The following PPP1R1C variants were observed in gnomAD, a reference collection of about 807,000 sequenced individuals.
The protein encoded by PPP1R1C is protein phosphatase 1 regulatory subunit 1C.
In PPP1R1C, 15 loss-of-function variants were observed where a neutral mutation model predicts 17.4. The ratio of observed to expected loss-of-function variants is 0.86; its 90% CI spans 0.58 to 1.33. The LOEUF (loss-of-function observed/expected upper bound fraction) is 1.33. Ranked by LOEUF, PPP1R1C falls within the 40% of genes most tolerant of loss-of-function variation. The pLI is 0.00. For missense variants in PPP1R1C, 143 were observed against 130.0 expected, an observed-to-expected ratio of 1.10 and a Z score of -0.48; for synonymous variants, 35 against 43.1, an observed-to-expected ratio of 0.81 and a Z score of 0.73.
At chr2:182,021,157 T>G (rs1407961980) in intron 2 of PPP1R1C, among the ~76,000 whole-genome samples, 2 of 152,128 alleles carry the variant, frequency 1.3e-5, no homozygotes, top group Non-Finnish European at 2.9e-5. Flanking sequence ...CTTTGGTAAT[T>G]CAGGCAGAAT....
intron 4 of PPP1R1C, among the ~76,000 whole-genome samples, chr2:182,081,202 T>C (rs919794688): frequency 1.2e-4 from 18 of 152,162 alleles, no homozygotes; most frequent in African/African-American, 4.3e-4. Context: ...AATGGAGAGG[T>C]AAGTAGTATA....
At chr2:181,960,167 C>G (rs1684745574) in intron 1 of PPP1R1C, among the ~76,000 whole-genome samples, 1 of 152,120 alleles carries the variant, frequency 6.6e-6, no homozygotes, top group Non-Finnish European at 1.5e-5. Context: ...GAGTTAGCTA[C>G]AGAGTAAGTC....
At chr2:182,103,003 C>CA (rs1055500488) in intron 4 of PPP1R1C, among the ~76,000 whole-genome samples, 1 of 151,792 alleles carries the variant, frequency 6.6e-6, no homozygotes, top group African/African-American at 2.4e-5. Context: ...GGGGTTTCGC[C>CA]ATGTTGCCCA....
At chr2:182,016,819 T>C (rs1360587343) in intron 2 of PPP1R1C, among the ~76,000 whole-genome samples, 1 of 152,232 alleles carries the variant, frequency 6.6e-6, no homozygotes, top group Non-Finnish European at 1.5e-5. Flanking sequence ...GATTTTATTG[T>C]CAGTTGTACT....
chr2:182,021,319 CTCTTTT>C (rs1686417669), intron 2 of PPP1R1C, among the ~76,000 whole-genome samples: 1 of 52,852 alleles, frequency 1.9e-5, no homozygotes, highest in African/African-American at 5.5e-5. Flanking sequence ...TTCTCTCTCT[CTCTTTT>C]TTTTTTTTTT....
chr2:182,065,250 CA>C (rs1219385384), intron 4 of PPP1R1C, among the ~76,000 whole-genome samples: 4 of 152,038 alleles, frequency 2.6e-5, no homozygotes, highest in Admixed American at 6.6e-5. Context: ...GGTATTACTA[CA>C]AGTCACATAG....
At position 181,961,725 on chromosome 2, in the gene PPP1R1C, G is replaced by C. The variant is rs918826965; in HGVS notation, n.111+7091G>C. On this transcript the variant is annotated intron_variant and non_coding_transcript_variant, in intron 1 of 5. Coordinates refer to the PPP1R1C transcript ENST00000464264. The surrounding 1 kb of genome is among the most constrained non-coding windows in gnomAD (Gnocchi z 5.8). Reference sequence around the variant, plus strand: ...GAGTCAGCTCATCATATTGGGCCCGGATATCTGCTATGATCTTGGCAAGGT... The same window carrying C: ...GAGTCAGCTCATCATATTGGGCCCGCATATCTGCTATGATCTTGGCAAGGT... The C allele has an allele frequency of 4.7e-6, 4 of 856,296 alleles. No individual in the cohort carries two copies. The highest frequency in any genetic ancestry group is 7.9e-6 in the Non-Finnish European group (4 of 504,826). The allele number at this position is 856,296 out of a possible 1,614,324, so 53.0% of individuals were successfully genotyped here.
chr2:182,111,781 C>T lies in PPP1R1C; in HGVS notation c.242-5426C>T, dbSNP rs1689445423. Among the ~76,000 whole-genome samples, 3 of 151,686 alleles carry T rather than the reference C, an allele frequency of 2.0e-5. No individual in the cohort carries two copies. In the South Asian group the frequency reaches 6.2e-4, roughly 32 times the overall value. ...AATTATATAGAAATTATATTCCTAG[C>T]ATTATTTTTGTGATAAACCTTAGGG... On this transcript the variant is annotated intron_variant, in intron 4 of 4. Coordinates refer to ENST00000682840, the MANE Select transcript of PPP1R1C (RefSeq NM_001080545.3).
In PPP1R1C at chr2:182,008,788, C is replaced by T. The variant is rs141103926; in HGVS notation, c.142+20889C>T. ...CTCTTATTCATTCTCCGTTTAGTCC[C>T]CACTATCATTCCTAGTCTCTGGTAA... On this transcript the variant is annotated intron_variant, in intron 2 of 4. Coordinates refer to ENST00000682840, the MANE Select transcript of PPP1R1C (RefSeq NM_001080545.3). 9.9e-5 allele frequency among the ~76,000 whole-genome samples: 15 copies of T among 152,240 alleles called. No homozygotes were observed. The East Asian group carries it at 2.7e-3, about 27-fold the overall frequency.
intron 1 of PPP1R1C, among the ~76,000 whole-genome samples, chr2:181,959,839 C>G (rs1438596860): frequency 6.6e-6 from 1 of 152,120 alleles, no homozygotes; most frequent in Non-Finnish European, 1.5e-5. Context: ...ACTAGTATGA[C>G]TTTAGCTTTT....
chr2:181,984,055 A>G (rs189240506), upstream of PPP1R1C, among the ~76,000 whole-genome samples: 76 of 152,362 alleles, frequency 5.0e-4, no homozygotes, highest in African/African-American at 1.7e-3. Context: ...CTATTATTCT[A>G]AGTGGAATCA....
At chr2:182,022,057 T>G (rs184726093) in intron 2 of PPP1R1C, among the ~76,000 whole-genome samples, 49 of 152,190 alleles carry the variant, frequency 3.2e-4, no homozygotes, top group African/African-American at 1.1e-3. Context: ...TTTCTTTCAG[T>G]CATGATCTAA....
chr2:182,112,481 T>C (rs1425652898), intron 4 of PPP1R1C, among the ~76,000 whole-genome samples: 1 of 152,084 alleles, frequency 6.6e-6, no homozygotes, highest in African/African-American at 2.4e-5. Flanking sequence ...TGATCTTGAG[T>C]CACCATAGTT....
In PPP1R1C at chr2:181,962,346, G is replaced by A. The variant is rs549297148; in HGVS notation, n.111+7712G>A. On this transcript the variant is annotated intron_variant and non_coding_transcript_variant, in intron 1 of 5. Coordinates refer to the PPP1R1C transcript ENST00000464264. This position sits in a 1 kb window ranked among gnomAD's most constrained non-coding sequence, Gnocchi z 6.0. The stretch of plus-strand genomic sequence containing the variant: ...CTGGTGGAGCGGGACACGGATATCC[G>A]GGAACCAGAGCCCCCGGCGCCTGCA... 1.1e-4 allele frequency: 109 copies of A among 955,944 alleles called. No individual in the cohort carries two copies. In the East Asian group the frequency reaches 2.5e-3, roughly 22 times the overall value. 59.2% of individuals were successfully genotyped at this position (955,944 alleles called of 1,614,324 possible). A position where few individuals can be genotyped will look rare whatever the true frequency, so the allele number is the denominator to read the frequency against.
chr2:182,021,747 T>G (rs751386659), intron 2 of PPP1R1C, among the ~76,000 whole-genome samples: 7 of 152,178 alleles, frequency 4.6e-5, no homozygotes, highest in Non-Finnish European at 8.8e-5. Context: ...AGAAAAGAGC[T>G]AAAGAGGTTA....
At chr2:182,044,453 G>C (rs1238060347) in intron 2 of PPP1R1C, among the ~76,000 whole-genome samples, 1 of 152,078 alleles carries the variant, frequency 6.6e-6, no homozygotes, top group Non-Finnish European at 1.5e-5. Flanking sequence ...ATTCCCACAA[G>C]CTGTTTCATC....
At chr2:181,977,316 C>A (rs149045483) in intron 2 of PPP1R1C, among the ~76,000 whole-genome samples, 2 of 152,046 alleles carry the variant, frequency 1.3e-5, no homozygotes, top group East Asian at 1.9e-4. Context: ...TAAAGAAACT[C>A]TCTTCAATCT....
At chr2:182,064,101 C>G (rs1246124720) in intron 4 of PPP1R1C, 1 of 311,388 alleles carries the variant, frequency 3.2e-6, no homozygotes, top group African/African-American at 2.2e-5. Context: ...CCCAGAAGCC[C>G]TAATTACTCT....
chr2:182,101,281 C>T (rs938008036), intron 4 of PPP1R1C, among the ~76,000 whole-genome samples: 1 of 152,174 alleles, frequency 6.6e-6, no homozygotes, highest in African/African-American at 2.4e-5. Flanking sequence ...TGAGAATACA[C>T]AGAAACAATG....
Sources: gnomAD v4.1 joint callset for allele counts (sites outside exome capture counted in the v4.1 genomes callset) on GRCh38, gnomAD v4.1.1 for gene constraint, Gnocchi (gnomAD v3.1) non-coding constraint, MANE v1.5 for transcripts, NCBI Gene and HGNC (gene_info 2026-07-23, HGNC 2026-07-21) for gene names.